PTCHD4: variants seen among roughly 807,000 people sequenced by gnomAD.
The protein encoded by PTCHD4 is patched domain containing 4.
A neutral mutation model predicts 58.1 loss-of-function variants in PTCHD4; 33 were observed. That is an observed-to-expected ratio of 0.57 (90% CI 0.43 to 0.76). The LOEUF (loss-of-function observed/expected upper bound fraction) is 0.76. Among genes scored for constraint, PTCHD4 ranks in the 30% least tolerant of loss-of-function variants. The pLI is 0.00. For missense variants in PTCHD4, 1,058 were observed against 1,027.1 expected (o/e 1.03, Z -0.41); for synonymous variants, 478 against 409.6 (o/e 1.17, Z -2.02).
intron 4 of PTCHD4, among the ~76,000 whole-genome samples, chr6:47,903,860 T>C (rs1007542788): frequency 1.3e-5 from 2 of 151,882 alleles, no homozygotes; most frequent in African/African-American, 4.8e-5. Context: ...GGGGTGTGAG[T>C]GGTGGATTTT....
At chr6:48,057,165 G>C (rs904255011) in intron 3 of PTCHD4, among the ~76,000 whole-genome samples, 2 of 151,252 alleles carry the variant, frequency 1.3e-5, no homozygotes, top group African/African-American at 4.9e-5. Flanking sequence ...CCCTCTTCTG[G>C]CGGCGGTTTT....
At chr6:48,107,832 C>CA (rs1765768231) in intron 1 of PTCHD4, among the ~76,000 whole-genome samples, 1 of 151,986 alleles carries the variant, frequency 6.6e-6, no homozygotes, top group South Asian at 2.1e-4. Flanking sequence ...TTTATGCAGC[C>CA]AAAAAACACA....
intron 3 of PTCHD4, among the ~76,000 whole-genome samples, chr6:48,038,041 G>T (rs1294104190): frequency 6.6e-6 from 1 of 151,648 alleles, no homozygotes; most frequent in Non-Finnish European, 1.5e-5. Flanking sequence ...CTCGGTGGCT[G>T]ACCAAAAAGA....
chr6:48,093,262 A>G (rs1377565078), intron 1 of PTCHD4, among the ~76,000 whole-genome samples: 1 of 152,170 alleles, frequency 6.6e-6, no homozygotes, highest in Non-Finnish European at 1.5e-5. Flanking sequence ...TTCATTTTTC[A>G]GGTGAAGAAT....
At chr6:47,993,439 A>G (rs1053521152) in intron 4 of PTCHD4, among the ~76,000 whole-genome samples, 1 of 152,228 alleles carries the variant, frequency 6.6e-6, no homozygotes, top group Non-Finnish European at 1.5e-5. Flanking sequence ...GACTCTAGGA[A>G]TTATAAAAGT....
intron 1 of PTCHD4, among the ~76,000 whole-genome samples, chr6:48,081,502 G>C (rs1322113147): frequency 1.3e-5 from 2 of 152,198 alleles, no homozygotes; most frequent in East Asian, 3.9e-4. Context: ...GATAATAAAA[G>C]CTCACACCTC....
Position 47,858,065 on chromosome 6 carries a change from T to C in PTCHD4, c.*20238A>G, listed in dbSNP as rs938252435. 2.0e-5 allele frequency among the ~76,000 whole-genome samples: 3 copies of C among 152,046 alleles called. No homozygotes were observed. Among genetic ancestry groups the C allele is most frequent in the Admixed American group, 1.3e-4 (2 of 15,236 alleles). ...GCTAAAGAGTGGTAAAATTCCACCA[T>C]CTATGGACATTTGAATTTGAGTGTT... is the stretch of plus-strand genomic sequence containing the variant. On this transcript the variant is annotated 3_prime_UTR_variant, in exon 5 of 5. Coordinates refer to ENST00000339488, the MANE Select transcript of PTCHD4 (RefSeq NM_001384253.1).
chr6:48,037,111 C>T (rs112523138), intron 3 of PTCHD4, among the ~76,000 whole-genome samples: 6 of 152,230 alleles, frequency 3.9e-5, no homozygotes, highest in African/African-American at 1.2e-4. Flanking sequence ...ATTCACCTCA[C>T]TTCATCTCAT....
At chr6:48,038,603 G>A (rs1046991733) in intron 3 of PTCHD4, among the ~76,000 whole-genome samples, 1 of 147,944 alleles carries the variant, frequency 6.8e-6, no homozygotes, top group Non-Finnish European at 1.5e-5. Flanking sequence ...TCATGGCACT[G>A]CATTTGAGCC....
At position 48,054,972 on chromosome 6, in the gene PTCHD4, G is replaced by T. The variant is rs563015773; in HGVS notation, c.417+13258C>A. Reference sequence around the variant, plus strand: ...GTGTATACTAACAATACCATTTTTTGATCCCAGAAAAGCTGAGGGACAAAG... The same window carrying T: ...GTGTATACTAACAATACCATTTTTTTATCCCAGAAAAGCTGAGGGACAAAG... On this transcript the variant is annotated intron_variant, in intron 3 of 4. Transcript: ENST00000339488. Among the ~76,000 whole-genome samples, 4 of 152,110 alleles carry T rather than the reference G, an allele frequency of 2.6e-5. No individual in the cohort carries two copies. The South Asian group carries it at 8.3e-4, about 32-fold the overall frequency.
intron 4 of PTCHD4, among the ~76,000 whole-genome samples, chr6:47,972,878 T>G (rs1046644498): frequency 5.3e-5 from 8 of 152,100 alleles, no homozygotes; most frequent in Non-Finnish European, 7.4e-5. Flanking sequence ...TAAAGTATCT[T>G]TAGAGTCTTG....
chr6:47,879,570 A>G lies in PTCHD4; in HGVS notation c.1265T>C (p.Val422Ala), dbSNP rs1363276251. 5 of 1,613,738 alleles carry G rather than the reference A, an allele frequency of 3.1e-6. No individual in the cohort carries two copies. Among genetic ancestry groups the G allele is most frequent in the Non-Finnish European group, 4.2e-6 (5 of 1,179,766 alleles). The change falls in exon 5 of 5, where the codon GTG becomes GCG. Residue 422 changes from valine (V) to alanine (A), a missense_variant. Physicochemically the swap from Val to Ala is moderately conservative, Grantham distance 64 (BLOSUM62 0). Coordinates refer to ENST00000339488, the MANE Select transcript of PTCHD4 (RefSeq NM_001384253.1). Reference protein sequence around the residue: ...LDRKPVWFQTVMSDGHQQTSH... With the variant: ...LDRKPVWFQTAMSDGHQQTSH... ...CGTCTGTTGATGCCCATCACTCATCACTGTCTGGAACCACACAGGTTTGCG... is the reference window on the plus strand; with the variant it reads ...CGTCTGTTGATGCCCATCACTCATCGCTGTCTGGAACCACACAGGTTTGCG...
At chr6:48,095,239 G>A (rs1765440408) in intron 1 of PTCHD4, among the ~76,000 whole-genome samples, 2 of 152,144 alleles carry the variant, frequency 1.3e-5, no homozygotes, top group Non-Finnish European at 2.9e-5. Context: ...GAAATAATAT[G>A]TATAAATGAA....
At chr6:47,919,405 T>A (rs1428896803) in intron 4 of PTCHD4, among the ~76,000 whole-genome samples, 2 of 152,168 alleles carry the variant, frequency 1.3e-5, no homozygotes, top group Non-Finnish European at 2.9e-5. Flanking sequence ...ATATAGTAAT[T>A]AGAGAGTGAG....
intron 4 of PTCHD4, among the ~76,000 whole-genome samples, chr6:47,919,526 T>C (rs1010757901): frequency 2.6e-5 from 4 of 152,038 alleles, no homozygotes; most frequent in African/African-American, 9.7e-5. Context: ...TATCTAAAGA[T>C]AGGAAAGAAG....
intron 4 of PTCHD4, among the ~76,000 whole-genome samples, chr6:47,890,371 G>A (rs566995692): frequency 5.7e-4 from 86 of 152,198 alleles, no homozygotes; most frequent in African/African-American, 2.0e-3. Context: ...ATTGTAGTTA[G>A]TAGCAAATTC....
At chr6:47,951,512 G>A (rs917543900) in intron 4 of PTCHD4, among the ~76,000 whole-genome samples, 2 of 152,116 alleles carry the variant, frequency 1.3e-5, no homozygotes, top group African/African-American at 4.8e-5. Flanking sequence ...TTACACACAA[G>A]GGACCCAGAT....
chr6:48,090,566 T>G (rs1765345059), intron 1 of PTCHD4, among the ~76,000 whole-genome samples: 1 of 152,160 alleles, frequency 6.6e-6, no homozygotes, highest in Non-Finnish European at 1.5e-5. Context: ...CCTATGATTT[T>G]TTCTACACTA....
Position 47,859,596 on chromosome 6 carries a change from G to T in PTCHD4, c.*18707C>A, listed in dbSNP as rs1372623412. Among the ~76,000 whole-genome samples, 1 of 151,420 alleles carries T rather than the reference G, an allele frequency of 6.6e-6. No individual in the cohort carries two copies. The highest frequency in any genetic ancestry group is 2.0e-4 in the East Asian group (1 of 5,078). On this transcript the variant is annotated 3_prime_UTR_variant, in exon 5 of 5. Coordinates refer to ENST00000339488, the MANE Select transcript of PTCHD4 (RefSeq NM_001384253.1). ...TTTATTGAATGCCTAACATGTGCCT[G>T]GCACCCTTCAGGGTACTGGGCTTAT...
Sources: gnomAD v4.1 joint callset for allele counts (sites outside exome capture counted in the v4.1 genomes callset) on GRCh38, gnomAD v4.1.1 for gene constraint, MANE v1.5 for transcripts, NCBI Gene and HGNC (gene_info 2026-07-23, HGNC 2026-07-21) for gene names.